Variants in SLC30A8 observed in about 807,000 individuals in gnomAD.
SLC30A8 encodes proton-coupled zinc antiporter SLC30A8.
In SLC30A8, 27 loss-of-function variants were observed where a neutral mutation model predicts 36.9. The ratio of observed to expected loss-of-function variants is 0.73; its 90% CI spans 0.54 to 1.01. The LOEUF is 1.01. Among genes scored for constraint, SLC30A8 ranks in the 50% least tolerant of loss-of-function variants. The pLI is 0.00. For synonymous variants in SLC30A8, 164 were observed against 172.4 expected (o/e 0.95, Z 0.38); for missense variants, 439 against 452.0 (o/e 0.97, Z 0.26).
In SLC30A8 at chr8:116,978,059, G is replaced by A. The variant is rs558436083; in HGVS notation, c.-266+26940G>A. 2.0e-5 allele frequency among the ~76,000 whole-genome samples: 3 copies of A among 152,068 alleles called. No individual in the cohort carries two copies. The East Asian group carries it at 5.8e-4, about 29-fold the overall frequency. On this transcript the variant is annotated intron_variant, in intron 1 of 10. Coordinates refer to the SLC30A8 transcript ENST00000427715. ...GGTCAGTTCCCCTCTAGGTTGTCCT[G>A]AAAAAGAAAAGCACCCTTCCCATTT... is the stretch of plus-strand genomic sequence containing the variant.
At chr8:117,027,227 A>G (rs1396129895) in intron 1 of SLC30A8, among the ~76,000 whole-genome samples, 1 of 152,122 alleles carries the variant, frequency 6.6e-6, no homozygotes, top group East Asian at 1.9e-4. Context: ...GGAGGGGCTC[A>G]TCTTGGCCTC....
intron 1 of SLC30A8, among the ~76,000 whole-genome samples, chr8:116,961,594 A>G (rs373473729): frequency 6.6e-6 from 1 of 151,986 alleles, no homozygotes; most frequent in South Asian, 2.1e-4. Flanking sequence ...GTGCTGCTAT[A>G]ACAGAATACC....
At chr8:116,992,400 A>G (rs1214746268) in intron 1 of SLC30A8, among the ~76,000 whole-genome samples, 3 of 152,222 alleles carry the variant, frequency 2.0e-5, no homozygotes. Context: ...GACCAGAAGC[A>G]TAGGGCCAAG....
intron 2 of SLC30A8, among the ~76,000 whole-genome samples, chr8:117,077,742 A>G (rs1283656173): frequency 6.6e-6 from 1 of 152,220 alleles, no homozygotes; most frequent in South Asian, 2.1e-4. Flanking sequence ...TTGGAAAAAA[A>G]TCCTGGAGAC....
At chr8:117,138,699 A>G (rs1290406668) in intron 1 of SLC30A8, among the ~76,000 whole-genome samples, 1 of 151,986 alleles carries the variant, frequency 6.6e-6, no homozygotes, top group Admixed American at 6.6e-5. Context: ...CCTGCCCTGG[A>G]TCACTCATAG....
intron 2 of SLC30A8, among the ~76,000 whole-genome samples, chr8:117,091,884 A>G (rs1260517750): frequency 1.3e-5 from 2 of 152,210 alleles, no homozygotes; most frequent in African/African-American, 4.8e-5. Flanking sequence ...TTGTGCACAT[A>G]TATAGCATAG....
chr8:117,164,873 T>C (rs890792474), intron 6 of SLC30A8, among the ~76,000 whole-genome samples: 4 of 152,262 alleles, frequency 2.6e-5, no homozygotes, highest in Admixed American at 6.5e-5. Context: ...TCTGGGCTCT[T>C]TGAGTCTTCC....
intron 1 of SLC30A8, among the ~76,000 whole-genome samples, chr8:116,955,079 C>T (rs117789204): frequency 8.7e-4 from 133 of 152,152 alleles, no homozygotes; most frequent in Admixed American, 2.1e-3. Flanking sequence ...AGGTTGTGTG[C>T]CTACAGTGAA....
At chr8:117,050,063 G>A (rs1247242697) in intron 2 of SLC30A8, among the ~76,000 whole-genome samples, 2 of 152,028 alleles carry the variant, frequency 1.3e-5, no homozygotes, top group Admixed American at 1.3e-4. Flanking sequence ...GTACTGACTC[G>A]ACCCTTGGAA....
chr8:117,022,745 T>C (rs1431004037), intron 1 of SLC30A8, among the ~76,000 whole-genome samples: 3 of 152,206 alleles, frequency 2.0e-5, no homozygotes, highest in Non-Finnish European at 4.4e-5. Flanking sequence ...ATCAAAGACT[T>C]AAATGTTAGA....
intron 1 of SLC30A8, among the ~76,000 whole-genome samples, chr8:116,984,136 C>G (rs1815365667): frequency 6.6e-6 from 1 of 152,142 alleles, no homozygotes; most frequent in African/African-American, 2.4e-5. Flanking sequence ...GTGTGCATCA[C>G]AAATTCATTC....
chr8:117,078,787 A>C (rs1293157910), intron 2 of SLC30A8, among the ~76,000 whole-genome samples: 1 of 152,104 alleles, frequency 6.6e-6, no homozygotes, highest in Non-Finnish European at 1.5e-5. Flanking sequence ...CCTTGGGCGC[A>C]GGTGGTCCTC....
chr8:117,018,727 T>A (rs904653719), intron 1 of SLC30A8, among the ~76,000 whole-genome samples: 7 of 131,438 alleles, frequency 5.3e-5, no homozygotes, highest in Admixed American at 3.5e-4. Context: ...AGTGCAGTGG[T>A]GCAATGTTGG....
intron 2 of SLC30A8, chr8:117,055,784 A>G (rs188921925): frequency 6.6e-6 from 1 of 152,338 alleles, no homozygotes; most frequent in Admixed American, 6.5e-5. Context: ...TACAGTTCCA[A>G]GTGTAAGGCC....
chr8:117,104,826 G>A (rs35552303), intron 2 of SLC30A8, among the ~76,000 whole-genome samples: 3,533 of 152,246 alleles, frequency 0.023, 59 homozygotes, highest in South Asian at 0.053. Context: ...ACAATGTGTG[G>A]ACTCCTCATG....
chr8:117,005,740 C>T (rs1387976717), intron 1 of SLC30A8, among the ~76,000 whole-genome samples: 1 of 152,216 alleles, frequency 6.6e-6, no homozygotes, highest in African/African-American at 2.4e-5. Flanking sequence ...ACTTCTTCAA[C>T]TGCTCAGTTG....
intron 2 of SLC30A8, among the ~76,000 whole-genome samples, chr8:117,040,543 C>G (rs1477475440): frequency 6.6e-6 from 1 of 152,182 alleles, no homozygotes; most frequent in African/African-American, 2.4e-5. Context: ...ATGAAAAATG[C>G]TTAAGTAAAA....
At chr8:117,006,547 C>T (rs1042692486) in intron 1 of SLC30A8, among the ~76,000 whole-genome samples, 2 of 152,110 alleles carry the variant, frequency 1.3e-5, no homozygotes, top group Non-Finnish European at 2.9e-5. Context: ...ATTCCTATTT[C>T]CAAGAAGCTG....
At chr8:116,999,648 C>T (rs1232944501) in intron 1 of SLC30A8, among the ~76,000 whole-genome samples, 3 of 152,198 alleles carry the variant, frequency 2.0e-5, no homozygotes, top group African/African-American at 4.8e-5. Context: ...CAGTGCCTGA[C>T]ACAGACTTTA....
Sources: allele counts gnomAD v4.1 joint callset (sites outside exome capture counted in the v4.1 genomes callset), GRCh38; gene constraint gnomAD v4.1.1; transcripts MANE v1.5; gene names NCBI Gene and HGNC (gene_info 2026-07-23, HGNC 2026-07-21).